Variants in CFTR observed in about 807,000 individuals in gnomAD.
The protein encoded by CFTR is cystic fibrosis transmembrane conductance regulator.
Under a neutral mutation model 171.6 loss-of-function variants are expected in CFTR, and 181 were observed. The observed-to-expected ratio is 1.05, with a 90% confidence interval of 0.93 to 1.19. The LOEUF (loss-of-function observed/expected upper bound fraction) is 1.19. Ranked by LOEUF, CFTR falls within the 50% of genes most tolerant of loss-of-function variation. CFTR has a pLI of 0.00. For synonymous variants in CFTR, 583 were observed against 608.0 expected (o/e 0.96, Z 0.60); for missense variants, 1,968 against 1,734.7 (o/e 1.13, Z -2.39).
At chr7:117,655,544 C>G (rs1267524020) in intron 24 of CFTR, among the ~76,000 whole-genome samples, 1 of 152,206 alleles carries the variant, frequency 6.6e-6, no homozygotes, top group Middle Eastern at 3.2e-3. Flanking sequence ...CTCTCCTCCT[C>G]TCTGGAGCCC....
chr7:117,540,397 A>T, intron 8 of CFTR, 51 bp downstream of exon 8: 1 of 1,535,008 alleles, frequency 6.5e-7, no homozygotes, highest in Non-Finnish European at 8.9e-7. Flanking sequence ...TAATCAGTCA[A>T]TAGATCAGTT....
chr7:117,576,169 T>C (rs1467689850), intron 11 of CFTR, among the ~76,000 whole-genome samples: 1 of 152,176 alleles, frequency 6.6e-6, no homozygotes, highest in Non-Finnish European at 1.5e-5. Context: ...ATTGTCATTC[T>C]GACATATTTT....
At chr7:117,596,708 T>A in intron 15 of CFTR, among the ~76,000 whole-genome samples, 1 of 152,132 alleles carries the variant, frequency 6.6e-6, no homozygotes, top group East Asian at 1.9e-4. Context: ...GGTTTGTGAA[T>A]GCACCAATCA....
intron 11 of CFTR, among the ~76,000 whole-genome samples, chr7:117,563,498 A>AT (rs1211724676): frequency 1.3e-5 from 2 of 151,448 alleles, no homozygotes; most frequent in African/African-American, 2.4e-5. Flanking sequence ...GGAAAGAGTG[A>AT]TTTTTTTTCT....
intron 11 of CFTR, among the ~76,000 whole-genome samples, chr7:117,567,431 A>G (rs536372263): frequency 1.4e-4 from 21 of 152,348 alleles, no homozygotes; most frequent in Non-Finnish European, 2.8e-4. Context: ...GAGTACAAGT[A>G]TTCTCTAGAC....
chr7:117,594,855 A>G (rs1792095655), intron 14 of CFTR, 75 bp from the exon 15 acceptor site: 5 of 1,287,990 alleles, frequency 3.9e-6, no homozygotes, highest in East Asian at 2.4e-5. Flanking sequence ...TTATTTTCAT[A>G]TATTAAAAAT....
intron 9 of CFTR, among the ~76,000 whole-genome samples, chr7:117,542,568 TA>T (rs1214349994): frequency 1.3e-5 from 2 of 151,846 alleles, no homozygotes; most frequent in African/African-American, 2.4e-5. Context: ...AAAATAAAAA[TA>T]AAAATAAAAA....
At chr7:117,583,606 G>A (rs545463329) in intron 11 of CFTR, among the ~76,000 whole-genome samples, 42 of 150,690 alleles carry the variant, frequency 2.8e-4, no homozygotes, top group African/African-American at 9.5e-4. Flanking sequence ...CCATATTTTC[G>A]CAATTATGAA....
chr7:117,640,597 T>G (rs1440674388), intron 22 of CFTR, among the ~76,000 whole-genome samples: 1 of 152,172 alleles, frequency 6.6e-6, no homozygotes, highest in Non-Finnish European at 1.5e-5. Flanking sequence ...CTTTCCTTTC[T>G]TTTATTCCCC....
At chr7:117,566,763 A>G (rs35904760) in intron 11 of CFTR, among the ~76,000 whole-genome samples, 16 of 152,370 alleles carry the variant, frequency 1.1e-4, no homozygotes, top group African/African-American at 3.4e-4. Context: ...AGCACCTTTC[A>G]TGAACTGGTC....
chr7:117,513,333 G>T (rs1263476825), intron 3 of CFTR, among the ~76,000 whole-genome samples: 2 of 151,046 alleles, frequency 1.3e-5, no homozygotes, highest in Non-Finnish European at 2.9e-5. Flanking sequence ...AGGGGGTCTT[G>T]TTTTGTAGGT....
intron 11 of CFTR, among the ~76,000 whole-genome samples, chr7:117,574,081 G>A (rs1224112202): frequency 1.3e-5 from 2 of 152,010 alleles, no homozygotes; most frequent in Non-Finnish European, 2.9e-5. Context: ...TGGAAGGGAA[G>A]ATCTACTGTG....
intron 22 of CFTR, among the ~76,000 whole-genome samples, chr7:117,635,066 T>G (rs1166798740): frequency 6.6e-6 from 1 of 152,166 alleles, no homozygotes; most frequent in Non-Finnish European, 1.5e-5. Flanking sequence ...TCTCCAACTC[T>G]AGTAGTGAAT....
At chr7:117,581,952 C>T (rs1022197879) in intron 11 of CFTR, among the ~76,000 whole-genome samples, 27 of 151,820 alleles carry the variant, frequency 1.8e-4, no homozygotes, top group Non-Finnish European at 2.4e-4. Flanking sequence ...GACAGGGTTT[C>T]ACTATGTTGC....
At chr7:117,658,328 C>G (rs538553551) in intron 24 of CFTR, among the ~76,000 whole-genome samples, 2 of 152,186 alleles carry the variant, frequency 1.3e-5, no homozygotes, top group South Asian at 2.1e-4. Flanking sequence ...ATGGGCCCAG[C>G]GCAGTGCCTG....
At chr7:117,597,292 G>T (rs1358324707) in intron 15 of CFTR, among the ~76,000 whole-genome samples, 1 of 152,066 alleles carries the variant, frequency 6.6e-6, no homozygotes, top group East Asian at 1.9e-4. Context: ...ACAAACTCAG[G>T]ACACGCGGCC....
intron 17 of CFTR, among the ~76,000 whole-genome samples, chr7:117,605,778 A>G (rs1467301534): frequency 6.6e-6 from 1 of 152,190 alleles, no homozygotes; most frequent in African/African-American, 2.4e-5. Flanking sequence ...CTGAAACAGG[A>G]TATTTGAGCA....
intron 3 of CFTR, among the ~76,000 whole-genome samples, chr7:117,525,822 T>C (rs1257703256): frequency 2.1e-5 from 3 of 146,208 alleles, no homozygotes; most frequent in African/African-American, 5.2e-5. Context: ...CTGATGGGTC[T>C]TGACTCTTTA....
chr7:117,532,496 A>G (rs1798880176), intron 4 of CFTR, among the ~76,000 whole-genome samples: 1 of 152,212 alleles, frequency 6.6e-6, no homozygotes, highest in African/African-American at 2.4e-5. Flanking sequence ...TAAAATAGGT[A>G]AATCACGATC....
Sources: gnomAD v4.1 joint callset for allele counts (sites outside exome capture counted in the v4.1 genomes callset) on GRCh38, gnomAD v4.1.1 for gene constraint, MANE v1.5 for transcripts, NCBI Gene and HGNC (gene_info 2026-07-23, HGNC 2026-07-21) for gene names.